EYS: variants seen among roughly 807,000 people sequenced by gnomAD.
EYS encodes the protein EGF-like photoreceptor maintenance factor.
Under a neutral mutation model 282.1 loss-of-function variants are expected in EYS, and 250 were observed. The observed-to-expected ratio is 0.89, with a 90% CI of 0.80 to 0.98. EYS has a LOEUF of 0.98. Among genes scored for constraint, EYS ranks in the 50% least tolerant of loss-of-function variants. The probability of loss-of-function intolerance (pLI) is 0.00; values close to 1 mark genes in which losing one functional copy is unlikely to be tolerated. For missense variants in EYS, 4,016 were observed against 3,709.0 expected (o/e 1.08, Z -2.15); for synonymous variants, 1,355 against 1,282.9 (o/e 1.06, Z -1.20).
chr6:63,826,626 T>C (rs906797414), intron 36 of EYS, among the ~76,000 whole-genome samples: 5 of 152,246 alleles, frequency 3.3e-5, no homozygotes, highest in Middle Eastern at 3.4e-3. Context: ...GCGAAGAATT[T>C]TGTATCCAGT....
intron 31 of EYS, among the ~76,000 whole-genome samples, chr6:64,125,852 G>A (rs1356283629): frequency 6.8e-6 from 1 of 147,062 alleles, no homozygotes; most frequent in African/African-American, 2.5e-5. Flanking sequence ...TGAGACCCTC[G>A]ATTACCACAC....
At chr6:63,957,364 C>T (rs6924318) in intron 35 of EYS, among the ~76,000 whole-genome samples, 2,560 of 140,880 alleles carry the variant, frequency 0.018, 191 homozygotes, top group African/African-American at 0.059. Flanking sequence ...GAGCTTGCTT[C>T]TCAAGTGACT....
intron 12 of EYS, among the ~76,000 whole-genome samples, chr6:65,119,889 G>A (rs963366843): frequency 1.3e-5 from 2 of 151,050 alleles, no homozygotes; most frequent in African/African-American, 4.9e-5. Context: ...TGTAATTCTA[G>A]CACTTTGGGA....
intron 33 of EYS, among the ~76,000 whole-genome samples, chr6:64,002,909 T>C (rs9450524): frequency 1.9e-3 from 288 of 152,348 alleles, no homozygotes; most frequent in African/African-American, 6.7e-3. Flanking sequence ...ACATATGTTT[T>C]TTAATCTTAT....
At chr6:64,076,667 C>T (rs1771780797) in intron 32 of EYS, among the ~76,000 whole-genome samples, 1 of 151,862 alleles carries the variant, frequency 6.6e-6, no homozygotes, top group South Asian at 2.1e-4. Context: ...TTGCCTTCTG[C>T]CATGATTGTG....
At chr6:63,965,434 T>C (rs1452627880) in intron 35 of EYS, among the ~76,000 whole-genome samples, 2 of 152,200 alleles carry the variant, frequency 1.3e-5, no homozygotes, top group African/African-American at 2.4e-5. Flanking sequence ...AATTGGTTTG[T>C]TTTCAATTTT....
intron 14 of EYS, among the ~76,000 whole-genome samples, chr6:64,975,306 T>A (rs1028648014): frequency 2.6e-5 from 4 of 151,892 alleles, no homozygotes; most frequent in African/African-American, 9.6e-5. Flanking sequence ...TTAAAAAAAA[T>A]ACATTACTAT....
At chr6:64,032,115 C>A (rs140370836) in intron 33 of EYS, among the ~76,000 whole-genome samples, 2,481 of 152,198 alleles carry the variant, frequency 0.016, 53 homozygotes, top group East Asian at 0.069. Flanking sequence ...AGACGTGCCA[C>A]CTTAAGAGCT....
chr6:65,146,418 C>T (rs959654534), intron 12 of EYS, among the ~76,000 whole-genome samples: 1 of 151,882 alleles, frequency 6.6e-6, no homozygotes, highest in African/African-American at 2.4e-5. Flanking sequence ...GAAGTGAGAA[C>T]AGGATGTGAA....
At chr6:65,598,081 CA>C (rs1304587162) in intron 2 of EYS, among the ~76,000 whole-genome samples, 1 of 151,584 alleles carries the variant, frequency 6.6e-6, no homozygotes, top group African/African-American at 2.4e-5. Flanking sequence ...AACCTGGCAA[CA>C]GAACGAAACC....
chr6:64,337,315 T>C (rs1284968017), intron 29 of EYS, among the ~76,000 whole-genome samples: 1 of 151,902 alleles, frequency 6.6e-6, no homozygotes, highest in Non-Finnish European at 1.5e-5. Context: ...CAGACACCAC[T>C]GAAATACAAA....
intron 22 of EYS, among the ~76,000 whole-genome samples, chr6:64,679,447 T>C (rs1045055641): frequency 2.6e-5 from 4 of 152,250 alleles, no homozygotes; most frequent in Non-Finnish European, 4.4e-5. Flanking sequence ...TGGTAGTCAT[T>C]TGGATTGTTT....
chr6:64,967,026 T>C (rs915465135), intron 14 of EYS, among the ~76,000 whole-genome samples: 2 of 152,198 alleles, frequency 1.3e-5, no homozygotes, highest in African/African-American at 2.4e-5. Flanking sequence ...TCTTAAATTA[T>C]ATTCTACTAA....
At position 64,591,244 on chromosome 6, in the gene EYS, G is replaced by C; in HGVS notation, c.4623C>G (p.Ile1541Met). ...TTAAAGAATCAGCAGCCTGTGATTT[G>C]ATGTTTGTGAGTCTCTGGTTGCTTG... The part of the protein sequence containing the change: ...EASSNQRLTN[I>M]KSQAADSLRE... The change falls in exon 26 of 43, where the codon ATC becomes ATG. Residue 1541 changes from isoleucine (I) to methionine (M), a missense_variant. Coordinates refer to ENST00000503581, the MANE Select transcript of EYS (RefSeq NM_001142800.2). 1 of 1,551,418 alleles carries C rather than the reference G, an allele frequency of 6.4e-7. No individual in the cohort carries two copies.
chr6:64,616,595 T>C (rs1767282619), intron 24 of EYS, among the ~76,000 whole-genome samples: 1 of 152,134 alleles, frequency 6.6e-6, no homozygotes. Context: ...CTAGAGACTC[T>C]TGGTTCTGGT....
intron 28 of EYS, among the ~76,000 whole-genome samples, chr6:64,417,620 C>T (rs2150448303): frequency 6.7e-6 from 1 of 148,244 alleles, no homozygotes; most frequent in Admixed American, 6.7e-5. Context: ...TTTTAAAAAT[C>T]TAGTTTTTCA....
At chr6:65,648,621 A>C (rs1367172446) in intron 1 of EYS, among the ~76,000 whole-genome samples, 2 of 152,056 alleles carry the variant, frequency 1.3e-5, no homozygotes, top group Non-Finnish European at 2.9e-5. Flanking sequence ...TGCTTGGGTG[A>C]TGGGTGCACC....
At chr6:65,346,705 A>G (rs769764757) in intron 9 of EYS, among the ~76,000 whole-genome samples, 4 of 151,900 alleles carry the variant, frequency 2.6e-5, no homozygotes, top group Non-Finnish European at 5.9e-5. Flanking sequence ...CTACCTAAAA[A>G]TGGAAAGACC....
chr6:64,288,055 A>C (rs1010970589), intron 30 of EYS, among the ~76,000 whole-genome samples: 3 of 152,168 alleles, frequency 2.0e-5, no homozygotes, highest in Non-Finnish European at 2.9e-5. Context: ...ACTCATTTGC[A>C]AAAGGGGTTT....
Sources: gnomAD v4.1 joint callset for allele counts (sites outside exome capture counted in the v4.1 genomes callset) on GRCh38, gnomAD v4.1.1 for gene constraint, MANE v1.5 for transcripts, NCBI Gene and HGNC (gene_info 2026-07-23, HGNC 2026-07-21) for gene names.